MARCHF1: variants seen among roughly 807,000 people sequenced by gnomAD.
MARCHF1 encodes the protein membrane associated ring-CH-type finger 1, also known as E3 ubiquitin-protein ligase MARCHF1.
MARCHF1 carries 40 observed loss-of-function variants against 54.2 expected under a neutral mutation model. The observed-to-expected ratio is 0.74, with a 90% CI of 0.57 to 0.96. MARCHF1 has a LOEUF of 0.96. MARCHF1 is among the 40% of genes least tolerant of loss of function. The pLI is 0.00. For synonymous variants in MARCHF1, 236 were observed against 236.3 expected (o/e 1.00, Z 0.01); for missense variants, 586 against 656.5 (o/e 0.89, Z 1.17).
At chr4:164,296,760 C>T (rs1560991660) in intron 1 of MARCHF1, among the ~76,000 whole-genome samples, 1 of 152,154 alleles carries the variant, frequency 6.6e-6, no homozygotes, top group African/African-American at 2.4e-5. Context: ...ATGCACATCA[C>T]TTGTAATATG....
intron 1 of MARCHF1, among the ~76,000 whole-genome samples, chr4:164,175,926 A>T (rs1388774318): frequency 2.0e-5 from 3 of 152,116 alleles, no homozygotes; most frequent in Non-Finnish European, 4.4e-5. Flanking sequence ...AATCTTTTCT[A>T]AATTGTTTCT....
At chr4:163,942,130 A>G (rs1751924207) in intron 3 of MARCHF1, among the ~76,000 whole-genome samples, 1 of 152,208 alleles carries the variant, frequency 6.6e-6, no homozygotes, top group Admixed American at 6.5e-5. Context: ...TTCATATTCC[A>G]TCTTCCATAA....
At chr4:164,067,134 C>T (rs992087119) in intron 2 of MARCHF1, among the ~76,000 whole-genome samples, 1 of 152,078 alleles carries the variant, frequency 6.6e-6, no homozygotes, top group South Asian at 2.1e-4. Context: ...AATTTCAAAA[C>T]ATTATTTGAT....
chr4:164,358,933 T>C (rs1036909803), intron 1 of MARCHF1, among the ~76,000 whole-genome samples: 3 of 152,176 alleles, frequency 2.0e-5, no homozygotes, highest in Admixed American at 6.5e-5. Context: ...TGTATTTTTA[T>C]AGCAATGATG....
chr4:163,943,990 C>T (rs1403072977), intron 3 of MARCHF1, among the ~76,000 whole-genome samples: 4 of 151,850 alleles, frequency 2.6e-5, no homozygotes, highest in Non-Finnish European at 5.9e-5. Flanking sequence ...TTTTTTGAGA[C>T]TGAGTCTTGC....
intron 2 of MARCHF1, among the ~76,000 whole-genome samples, chr4:164,058,966 T>C (rs1754554029): frequency 6.6e-6 from 1 of 152,208 alleles, no homozygotes. Context: ...ATTTTTCCAG[T>C]TAAAGTCTGG....
chr4:163,978,555 T>C (rs578147523), intron 3 of MARCHF1, among the ~76,000 whole-genome samples: 5 of 152,184 alleles, frequency 3.3e-5, no homozygotes, highest in Non-Finnish European at 5.9e-5. Flanking sequence ...AGATGGAAAG[T>C]AACCTGAGTT....
chr4:163,610,835 C>T (rs1323350065), intron 7 of MARCHF1, among the ~76,000 whole-genome samples: 2 of 152,094 alleles, frequency 1.3e-5, no homozygotes, highest in Admixed American at 1.3e-4. Flanking sequence ...ACCCATCCCC[C>T]TATTCACCAC....
chr4:164,090,566 T>A (rs187112551), intron 2 of MARCHF1, among the ~76,000 whole-genome samples: 26 of 152,068 alleles, frequency 1.7e-4, no homozygotes, highest in African/African-American at 6.3e-4. Context: ...TTTTATAGCT[T>A]CACAATAAAA....
At chr4:163,643,470 CT>C (rs1247447672) in intron 5 of MARCHF1, among the ~76,000 whole-genome samples, 1 of 152,150 alleles carries the variant, frequency 6.6e-6, no homozygotes, top group African/African-American at 2.4e-5. Context: ...CCTGCCTTAG[CT>C]TCCCAAGCAG....
intron 1 of MARCHF1, among the ~76,000 whole-genome samples, chr4:164,327,638 G>A (rs903582438): frequency 6.6e-6 from 1 of 152,182 alleles, no homozygotes. Flanking sequence ...TGACACTGGA[G>A]GCTGAGAGGC....
intron 1 of MARCHF1, among the ~76,000 whole-genome samples, chr4:164,266,291 C>G: frequency 6.6e-6 from 1 of 152,054 alleles, no homozygotes; most frequent in African/African-American, 2.4e-5. Context: ...AAAACTTGGA[C>G]AATAGCATTT....
At chr4:164,060,247 C>T (rs1579500640) in intron 2 of MARCHF1, among the ~76,000 whole-genome samples, 1 of 152,002 alleles carries the variant, frequency 6.6e-6, no homozygotes, top group Non-Finnish European at 1.5e-5. Context: ...AAGAATCCAG[C>T]TGAAGACTGG....
intron 8 of MARCHF1, among the ~76,000 whole-genome samples, 165 bp from the exon 9 acceptor site, chr4:163,545,908 A>T (rs950103650): frequency 3.9e-5 from 6 of 152,060 alleles, no homozygotes; most frequent in Non-Finnish European, 7.4e-5. Flanking sequence ...GAGAGATATG[A>T]AATTATAACC....
intron 9 of MARCHF1, among the ~76,000 whole-genome samples, chr4:163,545,281 T>C (rs1738859080): frequency 6.6e-6 from 1 of 152,228 alleles, no homozygotes; most frequent in Admixed American, 6.5e-5. Context: ...ATTTGCCTTT[T>C]CACATCAGGC....
intron 1 of MARCHF1, among the ~76,000 whole-genome samples, chr4:164,277,103 G>T (rs187130047): frequency 2.6e-4 from 39 of 151,890 alleles, no homozygotes; most frequent in Non-Finnish European, 5.4e-4. Flanking sequence ...TGAACCATTT[G>T]TTCCCTCCTT....
chr4:163,546,064 T>C (rs1315413241), intron 8 of MARCHF1, among the ~76,000 whole-genome samples: 2 of 149,194 alleles, frequency 1.3e-5, no homozygotes, highest in East Asian at 4.5e-4. Context: ...AACCGCTGCC[T>C]CCCAGGCTCA....
chr4:163,678,080 G>T (rs1743976402), intron 5 of MARCHF1, among the ~76,000 whole-genome samples: 1 of 152,148 alleles, frequency 6.6e-6, no homozygotes, highest in Non-Finnish European at 1.5e-5. Context: ...TAGCTCAATT[G>T]CCCTTGATAC....
At chr4:163,930,191 T>C (rs1428736361) in intron 3 of MARCHF1, among the ~76,000 whole-genome samples, 2 of 151,058 alleles carry the variant, frequency 1.3e-5, no homozygotes, top group Admixed American at 6.7e-5. Context: ...GAACACTAAG[T>C]TAGACAGTAA....
Sources: allele counts gnomAD v4.1 joint callset (sites outside exome capture counted in the v4.1 genomes callset), GRCh38; gene constraint gnomAD v4.1.1; transcripts MANE v1.5; gene names NCBI Gene and HGNC (gene_info 2026-07-23, HGNC 2026-07-21).